Variants in RNF31 observed in about 807,000 individuals in gnomAD.
RNF31 encodes E3 ubiquitin-protein ligase RNF31.
In RNF31, 38 loss-of-function variants were observed where a neutral mutation model predicts 133.6. The observed-to-expected ratio is 0.28, with a 90% CI of 0.22 to 0.37. The LOEUF is 0.37. Among genes scored for constraint, RNF31 ranks in the 10% least tolerant of loss-of-function variants. RNF31 has a pLI of 1.00. For missense variants in RNF31, 1,118 were observed against 1,394.1 expected, an observed-to-expected ratio of 0.80 and a Z score of 3.15; for synonymous variants, 582 against 552.3, an observed-to-expected ratio of 1.05 and a Z score of -0.75.
Position 24,149,456 on chromosome 14 carries a change from C to T in RNF31, c.682C>T (p.His228Tyr), listed in dbSNP as rs750943498. The change falls in exon 6 of 21, where the codon CAC (histidine) becomes TAC (tyrosine). Residue 228 changes from histidine (H) to tyrosine (Y), a missense_variant. By Grantham distance (83) the His-to-Tyr change is moderately conservative. This residue lies in a region of RNF31 where 747 missense variants were observed against 827.9 expected (regional missense o/e 0.90). Transcript: ENST00000324103. ...FLCGSAPGTL[H>Y]CPSCKQALCP... Reference sequence around the variant, plus strand: ...CTGTGGTTCTGCCCCAGGCACACTGCACTGCCCATCCTGTAAACAGGCCCT... The same window carrying T: ...CTGTGGTTCTGCCCCAGGCACACTGTACTGCCCATCCTGTAAACAGGCCCT... 1 of 1,614,202 alleles carries T rather than the reference C, an allele frequency of 6.2e-7. No homozygotes were observed. The highest frequency in any genetic ancestry group is 8.5e-7 in the Non-Finnish European group (1 of 1,180,026).
Position 24,155,402 on chromosome 14 carries a change from TC to T in RNF31, c.2305-10del. The T allele has an allele frequency of 6.2e-7, 1 of 1,611,024 alleles. No individual in the cohort carries two copies. Among genetic ancestry groups the T allele is most frequent in the South Asian group, 1.1e-5 (1 of 90,992 alleles). On this transcript the variant is annotated splice_polypyrimidine_tract_variant and intron_variant, in intron 12 of 20. Coordinates refer to ENST00000324103, the MANE Select transcript of RNF31 (RefSeq NM_017999.5). This position sits in a 1 kb window ranked among gnomAD's most constrained non-coding sequence, Gnocchi z 4.9. ...GACCCTCCCACCCACCACCTCTGCA[TC>T]CTGTCCCCAGCTTCGCGAGAGCCTA...
chr14:24,148,966 GT>G (rs1389529756), intron 5 of RNF31, 90 bp downstream of exon 5: 1 of 1,174,806 alleles, frequency 8.5e-7, no homozygotes, highest in Non-Finnish European at 1.3e-6. Flanking sequence ...ATCTTCCTTT[GT>G]GTTTGTTTGT....
chr14:24,149,728 A>T, intron 6 of RNF31, 145 bp downstream of exon 6: 1 of 878,698 alleles, frequency 1.1e-6, no homozygotes, highest in East Asian at 2.7e-5. Flanking sequence ...TAATAGACAT[A>T]CACATCAAGC....
Position 24,155,940 on chromosome 14 carries a change from A to G in RNF31, c.2493+248A>G, listed in dbSNP as rs1212305530. Among the ~76,000 whole-genome samples, 1 of 152,196 alleles carries G rather than the reference A, an allele frequency of 6.6e-6. No homozygotes were observed. Among genetic ancestry groups the G allele is most frequent in the African/African-American group, 2.4e-5 (1 of 41,440 alleles). ...AAAGTAAGCCAGAGGAACTAATTAT[A>G]CATAGGCATAAATTCTATGAAGAAA... On this transcript the variant is annotated intron_variant, in intron 14 of 20. Coordinates refer to ENST00000324103, the MANE Select transcript of RNF31 (RefSeq NM_017999.5). The surrounding 1 kb of genome is among the most constrained non-coding windows in gnomAD (Gnocchi z 4.9).
Position 24,150,603 on chromosome 14 carries a change from G to A in RNF31, c.1203G>A (p.Gly401=), listed in dbSNP as rs1452633291. The A allele has an allele frequency of 4.4e-6, 7 of 1,606,768 alleles. No individual in the cohort carries two copies. The highest frequency in any genetic ancestry group is 3.3e-5 in the Admixed American group (2 of 59,844). Residue 401 remains glycine, a synonymous_variant, in exon 8 of 21, where the codon GGG becomes GGA. Transcript: ENST00000324103. ...AATTCTCTCTGCCTTCCCAGCAGGG[G>A]GATGCTTTGCTGGCCTCTGCCCAGA... ...AGICLQPLQQ[G]DALLASAQSQ...
Position 24,160,456 on chromosome 14 carries a change from C to G in RNF31, c.3165+49C>G. On this transcript the variant is annotated intron_variant, in intron 20 of 20. Transcript: ENST00000324103. This position sits in a 1 kb window ranked among gnomAD's most constrained non-coding sequence, Gnocchi z 4.0. ...CTCTTAACCCACCCTACAGAAGTCA[C>G]CTGGTGCTGACTGTGTCTGAGCTCC... 1 of 1,593,228 alleles carries G rather than the reference C, an allele frequency of 6.3e-7. No homozygotes were observed. The highest frequency in any genetic ancestry group is 8.6e-7 in the Non-Finnish European group (1 of 1,165,654).
At chr14:24,158,313 GTTAA>G in intron 18 of RNF31, 114 bp downstream of exon 18, 1 of 963,986 alleles carries the variant, frequency 1.0e-6, no homozygotes, top group East Asian at 2.4e-5. Context: ...CCTTTGGCAA[GTTAA>G]TTGAGACCCA....
intron 18 of RNF31, 56 bp downstream of exon 18, chr14:24,158,255 T>A: frequency 1.9e-6 from 3 of 1,539,418 alleles, no homozygotes; most frequent in Non-Finnish European, 2.7e-6. Context: ...GCTCCCACCG[T>A]GTGATGGGTA....
chr14:24,148,739 A>G, intron 4 of RNF31, 38 bp downstream of exon 4: 1 of 1,613,826 alleles, frequency 6.2e-7, no homozygotes, highest in Non-Finnish European at 8.5e-7. Context: ...TACAAAGGAA[A>G]CAGGAATTGT....
Position 24,150,456 on chromosome 14 carries a change from G to A in RNF31, c.1197+8G>A. On this transcript the variant is annotated splice_region_variant and intron_variant, in intron 7 of 20. Transcript: ENST00000324103. The stretch of plus-strand genomic sequence containing the variant: ...TGCCTGCAACCCCTTCAGGTAACTG[G>A]CCTTCCCAGCTCTTTATCGTGTGTT... 1 of 1,604,272 alleles carries A rather than the reference G, an allele frequency of 6.2e-7. No individual in the cohort carries two copies. Among genetic ancestry groups the A allele is most frequent in the African/African-American group, 1.3e-5 (1 of 74,868 alleles).
rs1264938245 is a variant in RNF31 at position 24,155,573 on chromosome 14, T to G, written c.2404-30T>G. The G allele has an allele frequency of 1.9e-6, 3 of 1,613,864 alleles. No homozygotes were observed. The highest frequency in any genetic ancestry group is 1.7e-6 in the Non-Finnish European group (2 of 1,179,698). Reference sequence around the variant, plus strand: ...GCAGGGGATGGTTCCAGGTCAGGCCTTTGATAACTTTATGCTCTTGCACTT... The same window carrying G: ...GCAGGGGATGGTTCCAGGTCAGGCCGTTGATAACTTTATGCTCTTGCACTT... On this transcript the variant is annotated intron_variant, in intron 13 of 20. Transcript: ENST00000324103. This position sits in a 1 kb window ranked among gnomAD's most constrained non-coding sequence, Gnocchi z 4.9.
rs911860175 is a variant in RNF31, at chr14:24,160,187, C to T, written c.2997-52C>T. 6 of 1,569,000 alleles carry T rather than the reference C, an allele frequency of 3.8e-6. No homozygotes were observed. In the Admixed American group the frequency reaches 1.0e-4, roughly 27 times the overall value. The stretch of plus-strand genomic sequence containing the variant: ...TCAGAGTCCAGCTATGTTAGACACA[C>T]TCAGTTAATATTAGCCAACACAACA... On this transcript the variant is annotated intron_variant, in intron 19 of 20. Coordinates refer to ENST00000324103, the MANE Select transcript of RNF31 (RefSeq NM_017999.5). The surrounding 1 kb of genome is among the most constrained non-coding windows in gnomAD (Gnocchi z 4.0).
chr14:24,149,071 C>G (rs1453088214), intron 5 of RNF31, 195 bp downstream of exon 5: 2 of 627,504 alleles, frequency 3.2e-6, no homozygotes, highest in Non-Finnish European at 2.8e-6. Context: ...TCAAGCGATT[C>G]TCCTGCCTCA....
Position 24,157,298 on chromosome 14 carries a change from G to A in RNF31, c.2502G>A (p.Glu834=). 6.2e-7 allele frequency: 1 copy of A among 1,605,810 alleles called. No homozygotes were observed. The highest frequency in any genetic ancestry group is 2.2e-5 in the East Asian group (1 of 44,696). ...FCVRCKRQWE[E]QHRGRSCEDF... is the part of the protein sequence containing the mutation. ...TACTTTCCCTCTGGCAGTGGGAGGA[G>A]CAGCACCGAGGTCGGAGCTGTGAGG... Residue 834 remains glutamate, a synonymous_variant, in exon 15 of 21, where the codon GAG becomes GAA. Transcript: ENST00000324103.
rs770792991 is a variant in RNF31, at chr14:24,155,626, G to A, written c.2427G>A (p.Glu809=). 3 of 1,614,092 alleles carry A rather than the reference G, an allele frequency of 1.9e-6. No homozygotes were observed. The highest frequency in any genetic ancestry group is 2.5e-6 in the Non-Finnish European group (3 of 1,180,046). Residue 809 remains glutamate, a synonymous_variant, in exon 14 of 21, where the codon GAG becomes GAA. Transcript: ENST00000324103. This position sits in a 1 kb window ranked among gnomAD's most constrained non-coding sequence, Gnocchi z 4.9. ...CAQCSFGFIY[E]REQLEATCPQ... ...AGTGCTCCTTTGGCTTCATATATGA[G>A]CGTGAGCAGCTGGAGGCAACTTGTC...
In RNF31 at chr14:24,160,370, G is replaced by C; in HGVS notation, c.3128G>C (p.Gly1043Ala). 2 of 1,614,162 alleles carry C rather than the reference G, an allele frequency of 1.2e-6. No homozygotes were observed. Among genetic ancestry groups the C allele is most frequent in the Non-Finnish European group, 1.7e-6 (2 of 1,180,020 alleles). The stretch of plus-strand genomic sequence containing the variant: ...CACGTACGCCCCCAGCCTTTGGCTG[G>C]AGAGGATCCCCCTGCTTACCAGGCC... ...YLHVRPQPLA[G>A]EDPPAYQARL... The change falls in exon 20 of 21, where the codon GGA becomes GCA. Residue 1043 changes from glycine to alanine, a missense_variant. Gly to Ala is a moderately conservative substitution (Grantham distance 60). This residue lies in a region of RNF31 where 170 missense variants were observed against 194.5 expected (regional missense o/e 0.87). Coordinates refer to ENST00000324103, the MANE Select transcript of RNF31 (RefSeq NM_017999.5). This position sits in a 1 kb window ranked among gnomAD's most constrained non-coding sequence, Gnocchi z 4.0.
At chr14:24,154,910 T>C (rs2038319201) in intron 11 of RNF31, 2 of 540,712 alleles carry the variant, frequency 3.7e-6, no homozygotes, top group Admixed American at 3.4e-5. Flanking sequence ...GTATATTTAA[T>C]GGAATATGAA....
intron 15 of RNF31, 24 bp downstream of exon 15, chr14:24,157,428 T>G (rs2038360327): frequency 6.2e-7 from 1 of 1,605,218 alleles, no homozygotes; most frequent in Non-Finnish European, 8.5e-7. Flanking sequence ...ACTCGGCCTG[T>G]TTGCTCAGAA....
intron 11 of RNF31, among the ~76,000 whole-genome samples, chr14:24,153,824 A>T (rs2038303110): frequency 6.6e-6 from 1 of 151,728 alleles, no homozygotes; most frequent in Non-Finnish European, 1.5e-5. Context: ...AAATCTCTTG[A>T]ACCTGGGAGA....
Sources: gnomAD v4.1 joint callset for allele counts (sites outside exome capture counted in the v4.1 genomes callset) on GRCh38, gnomAD v4.1.1 for gene constraint, gnomAD v4.1.1 regional missense constraint, Gnocchi (gnomAD v3.1) non-coding constraint, MANE v1.5 for transcripts, NCBI Gene and HGNC (gene_info 2026-07-23, HGNC 2026-07-21) for gene names.